The following SNTG1 variants were observed in gnomAD, a reference collection of about 807,000 sequenced individuals.
SNTG1 encodes the protein syntrophin gamma 1.
SNTG1 carries 39 observed loss-of-function variants against 74.7 expected under a neutral mutation model. The observed-to-expected ratio is 0.52, with a 90% CI of 0.40 to 0.68. The LOEUF (loss-of-function observed/expected upper bound fraction) is 0.68, where lower values mean the gene tolerates loss of function less well. Ranked by LOEUF, SNTG1 falls within the 30% of genes least tolerant of loss-of-function variation. The pLI is 0.00. For synonymous variants in SNTG1, 254 were observed against 217.1 expected (o/e 1.17, Z -1.49); for missense variants, 685 against 609.5 (o/e 1.12, Z -1.30).
At chr8:50,597,450 C>T (rs1235598979) in intron 13 of SNTG1, among the ~76,000 whole-genome samples, 3 of 149,130 alleles carry the variant, frequency 2.0e-5, no homozygotes, top group Non-Finnish European at 4.5e-5. Flanking sequence ...GTTCTTTATT[C>T]ATTCATCTGT....
In SNTG1 at chr8:50,195,455, G is replaced by C. The variant is rs181831354; in HGVS notation, c.-28+22820G>C. Among the ~76,000 whole-genome samples, 87 of 152,202 alleles carry C rather than the reference G, an allele frequency of 5.7e-4. 1 individual carries two copies. The highest frequency in any genetic ancestry group is 2.2e-3 in the Admixed American group (34 of 15,268). ...TCCATCCTCCCTGGATTTCTGGCCA[G>C]GAGGTTTCTCGCCCCGTTCAAATTG... On this transcript the variant is annotated intron_variant, in intron 2 of 18. Transcript: ENST00000642720.
At chr8:50,427,021 A>C (rs1418422303) in intron 4 of SNTG1, among the ~76,000 whole-genome samples, 1 of 152,160 alleles carries the variant, frequency 6.6e-6, no homozygotes, top group Non-Finnish European at 1.5e-5. Context: ...GCCATCTTAT[A>C]TGAGGGACTT....
At chr8:50,310,651 G>A (rs150001837) in intron 2 of SNTG1, among the ~76,000 whole-genome samples, 1,611 of 152,228 alleles carry the variant, frequency 0.011, 31 homozygotes, top group African/African-American at 0.037. Context: ...CCATGCCATT[G>A]CACTCCAACC....
At chr8:50,372,083 T>C (rs1404427626) in intron 2 of SNTG1, among the ~76,000 whole-genome samples, 7 of 152,162 alleles carry the variant, frequency 4.6e-5, no homozygotes, top group African/African-American at 1.2e-4. Context: ...GTGTGTCTTA[T>C]AGTTATTTCA....
At chr8:49,954,168 T>G (rs945080521) in intron 1 of SNTG1, among the ~76,000 whole-genome samples, 2 of 152,220 alleles carry the variant, frequency 1.3e-5, no homozygotes, top group African/African-American at 4.8e-5. Flanking sequence ...AATTGTAAAC[T>G]AACTGGGTAA....
At chr8:50,722,220 G>C (rs1032662746) in intron 17 of SNTG1, among the ~76,000 whole-genome samples, 1 of 149,584 alleles carries the variant, frequency 6.7e-6, no homozygotes, top group African/African-American at 2.5e-5. Context: ...TGTCACCCAG[G>C]CTGGAGTGCA....
At chr8:50,000,628 G>A (rs894794392) in intron 1 of SNTG1, among the ~76,000 whole-genome samples, 3 of 152,114 alleles carry the variant, frequency 2.0e-5, no homozygotes, top group South Asian at 4.1e-4. Flanking sequence ...CTTCTCATAA[G>A]CAATATAAAA....
rs1302258501 is a variant in SNTG1 at position 50,312,754 on chromosome 8, A to C, written c.-27-81458A>C. The stretch of plus-strand genomic sequence containing the variant: ...ACATGCCTTCCAGGATTATTGTGAA[A>C]CAAAAACCAGGGAACAATACAATTT... On this transcript the variant is annotated intron_variant, in intron 2 of 18. Transcript: ENST00000642720. 1.3e-5 allele frequency among the ~76,000 whole-genome samples: 2 copies of C among 149,946 alleles called. 1 individual carries two copies. The highest frequency in any genetic ancestry group is 5.0e-5 in the African/African-American group (2 of 40,142).
chr8:50,041,976 A>T (rs2130821154), intron 1 of SNTG1, among the ~76,000 whole-genome samples: 1 of 152,310 alleles, frequency 6.6e-6, no homozygotes, highest in East Asian at 1.9e-4. Context: ...ATGTTCCTCA[A>T]CTTACAATGG....
In SNTG1 at chr8:49,915,709, C is replaced by T. The variant is rs376321341; in HGVS notation, c.-103+3478C>T. Among the ~76,000 whole-genome samples, 118 of 152,176 alleles carry T rather than the reference C, an allele frequency of 7.8e-4. 2 individuals carry two copies. The South Asian group carries it at 0.017, about 22-fold the overall frequency. ...AGTGATATTGATAAGGAAACTCATA[C>T]GATGAAATACACTTCAAAACTCCAT... On this transcript the variant is annotated intron_variant, in intron 1 of 18. Coordinates refer to ENST00000642720, the MANE Select transcript of SNTG1 (RefSeq NM_018967.5).
intron 1 of SNTG1, among the ~76,000 whole-genome samples, chr8:49,971,687 G>A (rs1444674435): frequency 1.3e-5 from 2 of 152,122 alleles, no homozygotes; most frequent in East Asian, 3.9e-4. Flanking sequence ...CAAAATCAAT[G>A]TGCAAAAATC....
chr8:49,914,051 C>G (rs550109955), intron 1 of SNTG1, among the ~76,000 whole-genome samples: 1 of 152,206 alleles, frequency 6.6e-6, no homozygotes, highest in African/African-American at 2.4e-5. Flanking sequence ...GCATGGAAAC[C>G]CTTGTCAATC....
chr8:50,162,424 T>C (rs984306235), intron 1 of SNTG1, among the ~76,000 whole-genome samples: 4 of 151,470 alleles, frequency 2.6e-5, no homozygotes, highest in Non-Finnish European at 4.4e-5. Context: ...TAGCCGGACG[T>C]GGAGGCGGGT....
intron 4 of SNTG1, among the ~76,000 whole-genome samples, chr8:50,419,360 A>AGGC (rs1335628329): frequency 6.6e-6 from 1 of 152,208 alleles, no homozygotes; most frequent in Non-Finnish European, 1.5e-5. Flanking sequence ...GGCTGCACTG[A>AGGC]TGTTCTCCAG....
intron 1 of SNTG1, among the ~76,000 whole-genome samples, chr8:50,007,219 GT>G (rs1177742886): frequency 6.6e-6 from 1 of 152,108 alleles, no homozygotes; most frequent in African/African-American, 2.4e-5. Flanking sequence ...GTCAGGAAAT[GT>G]TAGGCTTGGA....
intron 15 of SNTG1, among the ~76,000 whole-genome samples, chr8:50,674,558 A>G (rs1386888633): frequency 1.4e-5 from 2 of 144,052 alleles, no homozygotes; most frequent in African/African-American, 5.1e-5. Flanking sequence ...ATTTGATTCT[A>G]CTCTCTTTTC....
chr8:50,207,175 G>A (rs1470784627), intron 2 of SNTG1, among the ~76,000 whole-genome samples: 3 of 152,080 alleles, frequency 2.0e-5, no homozygotes, highest in East Asian at 1.9e-4. Flanking sequence ...GGTAGAATTC[G>A]ACTGTGAATC....
intron 13 of SNTG1, among the ~76,000 whole-genome samples, chr8:50,600,956 T>A (rs2094769128): frequency 6.6e-6 from 1 of 150,882 alleles, no homozygotes; most frequent in African/African-American, 2.4e-5. Context: ...GATTATGAGG[T>A]CAAGAGATTG....
At chr8:50,041,337 C>T (rs915608182) in intron 1 of SNTG1, among the ~76,000 whole-genome samples, 3 of 151,950 alleles carry the variant, frequency 2.0e-5, no homozygotes, top group Admixed American at 6.6e-5. Flanking sequence ...CCATTCTCTC[C>T]CAGTTGATGA....
Sources: gnomAD v4.1 joint callset for allele counts (sites outside exome capture counted in the v4.1 genomes callset) on GRCh38, gnomAD v4.1.1 for gene constraint, MANE v1.5 for transcripts, NCBI Gene and HGNC (gene_info 2026-07-23, HGNC 2026-07-21) for gene names.